The following RUNX1 variants were observed in gnomAD, a reference collection of about 807,000 sequenced individuals.
RUNX1 encodes RUNX family transcription factor 1.
RUNX1 carries 19 observed loss-of-function variants against 42.8 expected under a neutral mutation model. The ratio of observed to expected loss-of-function variants is 0.44; its 90% confidence interval spans 0.31 to 0.65. The LOEUF (loss-of-function observed/expected upper bound fraction) is 0.65. Among genes scored for constraint, RUNX1 ranks in the 30% least tolerant of loss-of-function variants. RUNX1 has a pLI of 0.07. For synonymous variants in RUNX1, 271 were observed against 289.4 expected (o/e 0.94, Z 0.64); for missense variants, 528 against 672.0 (o/e 0.79, Z 2.37).
At chr21:34,852,852 A>G (rs1209949980) in intron 6 of RUNX1, among the ~76,000 whole-genome samples, 1 of 152,220 alleles carries the variant, frequency 6.6e-6, no homozygotes, top group Non-Finnish European at 1.5e-5. Context: ...CCTGGAAAAT[A>G]CGCTTGAAGC....
chr21:34,919,839 C>G (rs995702477), intron 2 of RUNX1, among the ~76,000 whole-genome samples: 13 of 152,124 alleles, frequency 8.5e-5, no homozygotes, highest in Non-Finnish European at 1.8e-4. Flanking sequence ...CAATGTGAAT[C>G]AAATTGTGAA....
chr21:34,963,929 C>G (rs745573270), intron 2 of RUNX1, among the ~76,000 whole-genome samples: 10 of 152,218 alleles, frequency 6.6e-5, no homozygotes, highest in Non-Finnish European at 1.5e-4. Flanking sequence ...TTCTAAGAGC[C>G]TGCATGCCTC....
chr21:34,877,118 C>T (rs1448636786), intron 5 of RUNX1, among the ~76,000 whole-genome samples: 1 of 152,132 alleles, frequency 6.6e-6, no homozygotes, highest in Admixed American at 6.5e-5. Flanking sequence ...CTCGGCCTCC[C>T]AAAGTGCTGG....
At chr21:34,951,228 C>T (rs1601602311) in intron 2 of RUNX1, among the ~76,000 whole-genome samples, 1 of 152,354 alleles carries the variant, frequency 6.6e-6, no homozygotes, top group South Asian at 2.1e-4. Context: ...GGTGGAATGA[C>T]AGCAATCCCA....
intron 3 of RUNX1, among the ~76,000 whole-genome samples, chr21:34,889,366 G>A (rs1032154483): frequency 6.6e-6 from 1 of 152,108 alleles, no homozygotes; most frequent in Non-Finnish European, 1.5e-5. Flanking sequence ...GTCTTCCCTT[G>A]GGTCGGTTTC....
At chr21:34,814,928 T>A (rs1055608920) in intron 7 of RUNX1, among the ~76,000 whole-genome samples, 2 of 152,098 alleles carry the variant, frequency 1.3e-5, no homozygotes, top group African/African-American at 4.8e-5. Flanking sequence ...TGACTGACTC[T>A]CTCTCTCTCA....
intron 7 of RUNX1, among the ~76,000 whole-genome samples, chr21:34,811,886 TGGA>T (rs924869929): frequency 1.3e-5 from 2 of 152,120 alleles, no homozygotes; most frequent in African/African-American, 2.4e-5. Context: ...GACATATTTC[TGGA>T]GGAGTAGTGT....
At chr21:34,867,727 A>C (rs2057682916) in intron 5 of RUNX1, among the ~76,000 whole-genome samples, 1 of 152,036 alleles carries the variant, frequency 6.6e-6, no homozygotes, top group Non-Finnish European at 1.5e-5. Flanking sequence ...TTTTGATACC[A>C]CAGTTCCCTA....
rs2056996895 is a variant in RUNX1, at chr21:34,826,953, G to C, written c.805+7457C>G. On this transcript the variant is annotated intron_variant, in intron 7 of 8. Coordinates refer to ENST00000675419, the MANE Select transcript of RUNX1 (RefSeq NM_001754.5). ...AGCCTGCATTGCCAAGAACGGTTCT[G>C]CCATTAGGGGCAATTCTGGTGAGGG... Among the ~76,000 whole-genome samples the C allele has an allele frequency of 5.3e-5, 8 of 152,316 alleles. 1 individual carries two copies. The South Asian group carries it at 1.7e-3, about 32-fold the overall frequency.
chr21:34,936,209 G>A (rs2058483720), intron 2 of RUNX1, among the ~76,000 whole-genome samples: 1 of 151,558 alleles, frequency 6.6e-6, no homozygotes, highest in Admixed American at 6.6e-5. Flanking sequence ...AAAGACACAA[G>A]CTGCCATGTT....
intron 2 of RUNX1, among the ~76,000 whole-genome samples, chr21:34,971,603 T>C (rs746685893): frequency 1.3e-5 from 2 of 152,064 alleles, no homozygotes; most frequent in Non-Finnish European, 2.9e-5. Flanking sequence ...ATGGCGTACA[T>C]ACTATGAACA....
intron 5 of RUNX1, among the ~76,000 whole-genome samples, chr21:34,863,768 C>A (rs1036605518): frequency 6.6e-6 from 1 of 151,988 alleles, no homozygotes; most frequent in Non-Finnish European, 1.5e-5. Flanking sequence ...GTCAGCCATG[C>A]TGGTCTCGAA....
Position 34,791,937 on chromosome 21 carries a change from G to A in RUNX1, c.*198C>T. On this transcript the variant is annotated 3_prime_UTR_variant, in exon 9 of 9. Coordinates refer to ENST00000675419, the MANE Select transcript of RUNX1 (RefSeq NM_001754.5). ...AGGGCCGGGGCGCCAGCAGACGGCG[G>A]CGGCGTGGGCTTCTGGGCGCAGGAG... 1 of 351,236 alleles carries A rather than the reference G, an allele frequency of 2.8e-6. No individual in the cohort carries two copies. The highest frequency in any genetic ancestry group is 3.7e-5 in the South Asian group (1 of 26,718). The allele number at this position is 351,236 out of a possible 1,614,324, so 21.8% of individuals were successfully genotyped here.
intron 6 of RUNX1, among the ~76,000 whole-genome samples, chr21:34,848,086 T>A (rs943556276): frequency 1.3e-5 from 2 of 152,216 alleles, no homozygotes; most frequent in African/African-American, 4.8e-5. Context: ...AAGGAACACT[T>A]CTGTGCCCAG....
intron 6 of RUNX1, among the ~76,000 whole-genome samples, chr21:34,844,125 G>A (rs1466270370): frequency 6.6e-6 from 1 of 152,196 alleles, no homozygotes; most frequent in African/African-American, 2.4e-5. Context: ...CCAGAGAGTG[G>A]TAACCACCAG....
intron 4 of RUNX1, among the ~76,000 whole-genome samples, chr21:34,882,955 CATT>C (rs1337512246): frequency 1.3e-5 from 2 of 152,194 alleles, no homozygotes; most frequent in African/African-American, 4.8e-5. Flanking sequence ...CTGAATAACT[CATT>C]GTTGGGTCTG....
intron 2 of RUNX1, among the ~76,000 whole-genome samples, chr21:34,970,150 G>C (rs1259974709): frequency 6.6e-6 from 1 of 152,202 alleles, no homozygotes; most frequent in Non-Finnish European, 1.5e-5. Context: ...ATAAGACTTT[G>C]TGCAGCTAAA....
At chr21:34,894,188 G>A (rs1313520832) in intron 2 of RUNX1, among the ~76,000 whole-genome samples, 1 of 152,148 alleles carries the variant, frequency 6.6e-6, no homozygotes, top group Non-Finnish European at 1.5e-5. Flanking sequence ...ATCCACAACG[G>A]TAAGACTGAC....
intron 7 of RUNX1, among the ~76,000 whole-genome samples, chr21:34,816,047 C>G (rs377001964): frequency 2.6e-5 from 4 of 152,220 alleles, no homozygotes; most frequent in Non-Finnish European, 2.9e-5. Context: ...GGCTCTCCCC[C>G]CAGGTTCCCA....
Sources: gnomAD v4.1 joint callset for allele counts (sites outside exome capture counted in the v4.1 genomes callset) on GRCh38, gnomAD v4.1.1 for gene constraint, MANE v1.5 for transcripts, NCBI Gene and HGNC (gene_info 2026-07-23, HGNC 2026-07-21) for gene names.